Variants in ATAD3A observed in about 807,000 individuals in gnomAD.
ATAD3A encodes the protein ATPase family AAA domain-containing protein 3A.
Under a neutral mutation model 73.8 loss-of-function variants are expected in ATAD3A, and 46 were observed. That is an observed-to-expected ratio of 0.62 (90% CI 0.49 to 0.80). ATAD3A has a LOEUF of 0.80. Ranked by LOEUF, ATAD3A falls within the 30% of genes least tolerant of loss-of-function variation. The pLI is 0.00. For synonymous variants in ATAD3A, 319 were observed against 350.0 expected, an observed-to-expected ratio of 0.91 and a Z score of 0.99; for missense variants, 705 against 838.0, an observed-to-expected ratio of 0.84 and a Z score of 1.96.
chr1:1,524,302 C>T lies in ATAD3A; in HGVS notation c.1119C>T (p.Tyr373=), dbSNP rs141422827. The change falls in exon 11 of 16, where the codon TAC becomes TAT. Residue 373 remains tyrosine (Y), a synonymous_variant. Transcript: ENST00000378756. ...KKLALHSGMD[Y]AIMTGGDVAP... ...TCGCCCTGCACTCAGGCATGGACTA[C>T]GCCATCATGACAGGCGGGGACGTGG... 4.6e-4 allele frequency: 746 copies of T among 1,613,788 alleles called. No individual in the cohort carries two copies. The African/African-American group carries it at 8.0e-3, about 17-fold the overall frequency.
At chr1:1,526,003 C>T (rs1026282500) in intron 12 of ATAD3A, among the ~76,000 whole-genome samples, 3 of 151,802 alleles carry the variant, frequency 2.0e-5, no homozygotes, top group African/African-American at 7.3e-5. Flanking sequence ...CCCCCGTGCC[C>T]GGTCAGGCTT....
intron 4 of ATAD3A, 109 bp from the exon 5 acceptor site, chr1:1,518,812 A>C: frequency 1.3e-6 from 2 of 1,596,148 alleles, no homozygotes; most frequent in South Asian, 2.2e-5. Flanking sequence ...CACACCCCGC[A>C]AACGGGCACA....
chr1:1,517,936 C>T (rs1445688211), intron 4 of ATAD3A, among the ~76,000 whole-genome samples, 161 bp downstream of exon 4: 6 of 151,978 alleles, frequency 3.9e-5, no homozygotes, highest in East Asian at 1.9e-4. Context: ...CACCAGCACA[C>T]GTGTACAGGC....
At chr1:1,532,046 C>T (rs1450760461) in intron 15 of ATAD3A, among the ~76,000 whole-genome samples, 2 of 152,146 alleles carry the variant, frequency 1.3e-5, no homozygotes, top group Non-Finnish European at 2.9e-5. Context: ...CTCCACTCGG[C>T]TAATATTGAT....
At chr1:1,516,123 C>T (rs371964475) in intron 2 of ATAD3A, 35 bp downstream of exon 2, 97 of 1,611,782 alleles carry the variant, frequency 6.0e-5, no homozygotes, top group South Asian at 1.2e-4. Flanking sequence ...GAGGCCGGGG[C>T]GCACATGGGG....
At chr1:1,518,621 A>C (rs868575523) in intron 4 of ATAD3A, among the ~76,000 whole-genome samples, 558 of 37,948 alleles carry the variant, frequency 0.015, no homozygotes, top group Middle Eastern at 0.029. Context: ...GGGCGTACAC[A>C]CCCCCCCCCA....
At chr1:1,517,485 G>A in intron 3 of ATAD3A, 73 bp downstream of exon 3, 1 of 1,251,208 alleles carries the variant, frequency 8.0e-7, no homozygotes, top group Non-Finnish European at 1.1e-6. Flanking sequence ...TGGGAGCTGG[G>A]TGTGGTCCCG....
rs976008946 is a variant in ATAD3A, at chr1:1,523,129, G to C, written c.906+230G>C. Among the ~76,000 whole-genome samples, 32 of 151,946 alleles carry C rather than the reference G, an allele frequency of 2.1e-4. No individual in the cohort carries two copies. Among genetic ancestry groups the C allele is most frequent in the African/African-American group, 7.5e-4 (31 of 41,286 alleles). ...TGTCCCCTGCTCAGGGCTCTTGATG[G>C]GGCCTGGGAGCACATCGGGGTCCTT... On this transcript the variant is annotated intron_variant, in intron 8 of 15. Coordinates refer to ENST00000378756, the MANE Select transcript of ATAD3A (RefSeq NM_001170535.3). The surrounding 1 kb of genome is among the most constrained non-coding windows in gnomAD (Gnocchi z 5.1).
At chr1:1,527,384 T>C in intron 13 of ATAD3A, 1 of 1,095,078 alleles carries the variant, frequency 9.1e-7, no homozygotes, top group South Asian at 1.6e-5. Flanking sequence ...CGACATGGAC[T>C]CCGGGTCCCG....
chr1:1,523,117 G>C lies in ATAD3A; in HGVS notation c.906+218G>C, dbSNP rs1283260314. Among the ~76,000 whole-genome samples the C allele has an allele frequency of 6.6e-6, 1 of 151,966 alleles. No individual in the cohort carries two copies. The highest frequency in any genetic ancestry group is 2.4e-5 in the African/African-American group (1 of 41,288). Reference sequence around the variant, plus strand: ...TGTCTGCCTCGGTGTCCCCTGCTCAGGGCTCTTGATGGGGCCTGGGAGCAC... The same window carrying C: ...TGTCTGCCTCGGTGTCCCCTGCTCACGGCTCTTGATGGGGCCTGGGAGCAC... On this transcript the variant is annotated intron_variant, in intron 8 of 15. Transcript: ENST00000378756. This position sits in a 1 kb window ranked among gnomAD's most constrained non-coding sequence, Gnocchi z 5.1.
chr1:1,532,485 C>T (rs1232318300), intron 15 of ATAD3A, among the ~76,000 whole-genome samples: 5 of 152,206 alleles, frequency 3.3e-5, no homozygotes, highest in Non-Finnish European at 5.9e-5. Flanking sequence ...ACTTCCTGGG[C>T]CTGGGACCTT....
chr1:1,532,274 C>G (rs1490006885), intron 15 of ATAD3A, among the ~76,000 whole-genome samples: 2 of 152,084 alleles, frequency 1.3e-5, no homozygotes, highest in Non-Finnish European at 2.9e-5. Flanking sequence ...CTTTGTCTGG[C>G]TTTGATATGA....
chr1:1,524,264 C>A lies in ATAD3A; in HGVS notation c.1090-9C>A, dbSNP rs1641719902. 1 of 1,613,816 alleles carries A rather than the reference C, an allele frequency of 6.2e-7. No homozygotes were observed. The highest frequency in any genetic ancestry group is 1.7e-5 in the Admixed American group (1 of 60,006). On this transcript the variant is annotated splice_polypyrimidine_tract_variant and intron_variant, in intron 10 of 15. Coordinates refer to ENST00000378756, the MANE Select transcript of ATAD3A (RefSeq NM_001170535.3). ...ATCTGCTCTGTCTCCCCTCACTCTTCCTGTCCAGAAACTCGCCCTGCACTC... is the reference window on the plus strand; with the variant it reads ...ATCTGCTCTGTCTCCCCTCACTCTTACTGTCCAGAAACTCGCCCTGCACTC...
chr1:1,525,696 G>C (rs942662110), intron 12 of ATAD3A, among the ~76,000 whole-genome samples: 6 of 152,018 alleles, frequency 3.9e-5, no homozygotes, highest in African/African-American at 1.2e-4. Context: ...TTACAGGCGT[G>C]AGCCACCACG....
chr1:1,530,828 CAAAAAAA>C (rs1174830616), intron 15 of ATAD3A, among the ~76,000 whole-genome samples: 953 of 13,354 alleles, frequency 0.071, 14 homozygotes, highest in South Asian at 0.11. Flanking sequence ...GACTCCGTCT[CAAAAAAA>C]AAAAAAAAAA....
chr1:1,523,746 G>A lies in ATAD3A; in HGVS notation c.964-93G>A. ...CCTGAGGTGGGAGGCTTCCCGAGGA[G>A]CCGAGTCTGCACCCAGGCATTCCCG... On this transcript the variant is annotated intron_variant, in intron 9 of 15. Transcript: ENST00000378756. This position sits in a 1 kb window ranked among gnomAD's most constrained non-coding sequence, Gnocchi z 5.1. 1 of 1,596,396 alleles carries A rather than the reference G, an allele frequency of 6.3e-7. No individual in the cohort carries two copies. Among genetic ancestry groups the A allele is most frequent in the Non-Finnish European group, 8.5e-7 (1 of 1,170,112 alleles).
In ATAD3A at chr1:1,534,004, C is replaced by T. The variant is rs200344678; in HGVS notation, c.1693C>T (p.His565Tyr). ...CCGCGTGCAAGATGCTGTCCAGCAG[C>T]ACCAGCAGAAGATGTGCTGGCTGAA... is the stretch of plus-strand genomic sequence containing the variant. ...DTRVQDAVQQ[H>Y]QQKMCWLKAE... The change falls in exon 16 of 16, where the codon CAC (histidine) becomes TAC (tyrosine). Residue 565 changes from histidine (H) to tyrosine (Y), a missense_variant. Coordinates refer to ENST00000378756, the MANE Select transcript of ATAD3A (RefSeq NM_001170535.3). 4.9e-4 allele frequency: 794 copies of T among 1,613,606 alleles called. 1 individual carries two copies. Among genetic ancestry groups the T allele is most frequent in the Middle Eastern group, 1.3e-3 (8 of 6,056 alleles).
At chr1:1,525,332 G>A (rs1175048952) in intron 12 of ATAD3A, 41 bp downstream of exon 12, 1 of 1,612,808 alleles carries the variant, frequency 6.2e-7, no homozygotes, top group East Asian at 2.2e-5. Context: ...GGGTGGTGGG[G>A]TGGGCACAGC....
At chr1:1,513,480 C>T (rs1641262669) in intron 1 of ATAD3A, among the ~76,000 whole-genome samples, 2 of 151,300 alleles carry the variant, frequency 1.3e-5, no homozygotes, top group Admixed American at 1.3e-4. Context: ...TCCTGACCCG[C>T]AGTCCGCTCT....
Sources: allele counts gnomAD v4.1 joint callset (sites outside exome capture counted in the v4.1 genomes callset), GRCh38; gene constraint gnomAD v4.1.1; non-coding constraint Gnocchi (gnomAD v3.1); transcripts MANE v1.5; gene names NCBI Gene and HGNC (gene_info 2026-07-23, HGNC 2026-07-21).